The following VILL variants were observed in gnomAD, a reference collection of about 807,000 sequenced individuals.
VILL encodes the protein villin-like protein.
In VILL, 102 loss-of-function variants were observed where a neutral mutation model predicts 106.3. The ratio of observed to expected loss-of-function variants is 0.96; its 90% CI spans 0.82 to 1.13. The LOEUF (loss-of-function observed/expected upper bound fraction) is 1.13. Ranked by LOEUF, VILL falls within the 50% of genes most tolerant of loss-of-function variation. The pLI is 0.00. For synonymous variants in VILL, 431 were observed against 440.3 expected (o/e 0.98, Z 0.27); for missense variants, 1,076 against 1,116.6 (o/e 0.96, Z 0.52).
Position 38,004,337 on chromosome 3 carries a change from G to T in VILL, c.1888G>T (p.Gly630Trp). 1 of 1,613,864 alleles carries T rather than the reference G, an allele frequency of 6.2e-7. No homozygotes were observed. The highest frequency in any genetic ancestry group is 1.1e-5 in the South Asian group (1 of 91,088). ...HMGCLVLAEVGFFSQEDLDKY... is the reference protein window; with the variant it reads ...HMGCLVLAEVWFFSQEDLDKY... ...GGGCTGCCTGGTCCTCGCAGAAGTG[G>T]GGTTCTTCAGCCAGGAGGACCTGGA... The change falls in exon 16 of 20, where the codon GGG becomes TGG. Residue 630 changes from glycine to tryptophan, a missense_variant. Transcript: ENST00000383759.
chr3:38,004,328 G>A lies in VILL; in HGVS notation c.1879G>A (p.Ala627Thr), dbSNP rs950761878. 10 of 1,613,688 alleles carry A rather than the reference G, an allele frequency of 6.2e-6. No homozygotes were observed. Among genetic ancestry groups the A allele is most frequent in the South Asian group, 2.2e-5 (2 of 91,038 alleles). Reference protein sequence around the residue: ...CSSHMGCLVLAEVGFFSQEDL... With the variant: ...CSSHMGCLVLTEVGFFSQEDL... The stretch of plus-strand genomic sequence containing the variant: ...CAGCCACATGGGCTGCCTGGTCCTC[G>A]CAGAAGTGGGGTTCTTCAGCCAGGA... Residue 627 changes from alanine (A) to threonine (T), a missense_variant, in exon 16 of 20, where the codon GCA becomes ACA. Coordinates refer to ENST00000383759, the MANE Select transcript of VILL (RefSeq NM_015873.4).
In VILL at chr3:37,997,038, G is replaced by A. The variant is rs545101414; in HGVS notation, c.451-39G>A. 5.1e-6 allele frequency: 8 copies of A among 1,579,624 alleles called. No individual in the cohort carries two copies. Among genetic ancestry groups the A allele is most frequent in the Middle Eastern group, 1.7e-4 (1 of 5,948 alleles). On this transcript the variant is annotated intron_variant, in intron 5 of 19. Coordinates refer to ENST00000383759, the MANE Select transcript of VILL (RefSeq NM_015873.4). The surrounding 1 kb of genome is among the most constrained non-coding windows in gnomAD (Gnocchi z 4.7). ...GCTATGCTCCCCTCTAGCGGATGCT[G>A]GTGGTATGACACTCTGTCTCTCTCC...
In VILL at chr3:38,006,650, C is replaced by A; in HGVS notation, c.2407C>A (p.His803Asn). The change falls in exon 19 of 20, where the codon CAC becomes AAC. Residue 803 changes from histidine to asparagine, a missense_variant. His to Asn is a moderately conservative substitution (Grantham distance 68). Transcript: ENST00000383759. The stretch of plus-strand genomic sequence containing the variant: ...GGGCCTGCGCCGGGAACAACTGATG[C>A]ACCAGGCTGTTGAGGACCTGCCAGA... ...NGGLRREQLMHQAVEDLPEGV... is the reference protein window; with the variant it reads ...NGGLRREQLMNQAVEDLPEGV... 6.2e-7 allele frequency: 1 copy of A among 1,613,574 alleles called. No homozygotes were observed. The highest frequency in any genetic ancestry group is 8.5e-7 in the Non-Finnish European group (1 of 1,179,940).
intron 10 of VILL, 45 bp from the exon 11 acceptor site, chr3:37,999,294 G>T (rs201408304): frequency 8.0e-5 from 114 of 1,418,398 alleles, no homozygotes; most frequent in African/African-American, 6.4e-4. Flanking sequence ...GATGGTGTTG[G>T]GGGGGGGCAG....
At position 37,998,436 on chromosome 3, in the gene VILL, C is replaced by T; in HGVS notation, c.942+72C>T. On this transcript the variant is annotated intron_variant, in intron 9 of 19. Coordinates refer to ENST00000383759, the MANE Select transcript of VILL (RefSeq NM_015873.4). The surrounding 1 kb of genome is among the most constrained non-coding windows in gnomAD (Gnocchi z 4.1). The stretch of plus-strand genomic sequence containing the variant: ...GTCTGAGTGGGGAGGCAGCTCCGCC[C>T]CAGGGTCTAAGGGAGGAATCAGCCC... 7.0e-7 allele frequency: 1 copy of T among 1,424,438 alleles called. No homozygotes were observed. Among genetic ancestry groups the T allele is most frequent in the African/African-American group, 1.4e-5 (1 of 71,268 alleles). 88.2% of individuals were successfully genotyped at this position (1,424,438 alleles called of 1,614,324 possible).
Position 37,990,829 on chromosome 3 carries a change from G to A in VILL, c.-87G>A, listed in dbSNP as rs2125641563. The A allele has an allele frequency of 6.5e-6, 1 of 152,914 alleles. No homozygotes were observed. The highest frequency in any genetic ancestry group is 2.4e-5 in the African/African-American group (1 of 41,582). 9.5% of individuals were successfully genotyped at this position (152,914 alleles called of 1,614,324 possible). Reference sequence around the variant, plus strand: ...GAAGGCGCGGGAGCAGTTTCCAGCAGGTAGGCCTGGGCAGAGAGTTGGGGG... The same window carrying A: ...GAAGGCGCGGGAGCAGTTTCCAGCAAGTAGGCCTGGGCAGAGAGTTGGGGG... On this transcript the variant is annotated splice_region_variant and 5_prime_UTR_variant, in exon 1 of 20. Coordinates refer to ENST00000383759, the MANE Select transcript of VILL (RefSeq NM_015873.4). The surrounding 1 kb of genome is among the most constrained non-coding windows in gnomAD (Gnocchi z 5.1).
intron 11 of VILL, among the ~76,000 whole-genome samples, chr3:37,999,679 G>A (rs1699779386): frequency 6.6e-6 from 1 of 152,154 alleles, no homozygotes; most frequent in South Asian, 2.1e-4. Flanking sequence ...GTAACACTTG[G>A]ACACTTAAAT....
intron 15 of VILL, 125 bp from the exon 16 acceptor site, chr3:38,004,130 T>C: frequency 7.4e-7 from 1 of 1,348,522 alleles, no homozygotes; most frequent in Non-Finnish European, 1.0e-6. Flanking sequence ...ACCACGGGGC[T>C]CAGAGGAGGG....
At position 38,001,565 on chromosome 3, in the gene VILL, G is replaced by A. The variant is rs372105661; in HGVS notation, c.1292G>A (p.Arg431His). ...CTCTACACATACCAGAGGCTGGGCC[G>A]TGTCCAGTACATCCTGTACCTATGG... is the stretch of plus-strand genomic sequence containing the variant. ...LVLYTYQRLG[R>H]VQYILYLWQG... The change falls in exon 12 of 20, where the codon CGT (arginine) becomes CAT (histidine). Residue 431 changes from arginine (R) to histidine (H), a missense_variant. Arg to His is a conservative substitution (Grantham distance 29, BLOSUM62 0). Coordinates refer to ENST00000383759, the MANE Select transcript of VILL (RefSeq NM_015873.4). 1.9e-5 allele frequency: 30 copies of A among 1,614,102 alleles called. No individual in the cohort carries two copies. Among genetic ancestry groups the A allele is most frequent in the African/African-American group, 9.3e-5 (7 of 74,950 alleles).
intron 13 of VILL, 127 bp downstream of exon 13, chr3:38,001,987 G>A: frequency 6.8e-7 from 1 of 1,464,734 alleles, no homozygotes; most frequent in Non-Finnish European, 9.2e-7. Context: ...GTTTCCCAGA[G>A]CTTGTCCAAG....
chr3:37,988,169 A>C (rs2125640533), upstream of VILL: 1 of 152,462 alleles, frequency 6.6e-6, no homozygotes, highest in South Asian at 2.1e-4. Context: ...AGAAGCCTGC[A>C]GTGCAAAGGT....
Position 37,997,973 on chromosome 3 carries a change from C to A in VILL, c.765-117C>A. 1.8e-6 allele frequency: 2 copies of A among 1,125,312 alleles called. No individual in the cohort carries two copies. Among genetic ancestry groups the A allele is most frequent in the Non-Finnish European group, 2.5e-6 (2 of 800,980 alleles). The allele number at this position is 1,125,312 out of a possible 1,614,324, so 69.7% of individuals were successfully genotyped here. On this transcript the variant is annotated intron_variant, in intron 7 of 19. Coordinates refer to ENST00000383759, the MANE Select transcript of VILL (RefSeq NM_015873.4). This position sits in a 1 kb window ranked among gnomAD's most constrained non-coding sequence, Gnocchi z 4.7. ...TAAAAGTGAAGACTACAACTCGGGG[C>A]CCCAGCCCCCATGCCTTCTGTCTCT...
chr3:37,995,459 C>G (rs1023610878), intron 4 of VILL, among the ~76,000 whole-genome samples: 1 of 151,978 alleles, frequency 6.6e-6, no homozygotes, highest in Admixed American at 6.5e-5. Flanking sequence ...CAGGGATAAA[C>G]AAATACACAG....
chr3:37,993,627 C>T lies in VILL; in HGVS notation c.-46C>T. ...GGTGTCGGTCTCCAGCCTGAGAACT[C>T]TGGCTGTTGTTCCTTGTGTCGTCCC... is the stretch of plus-strand genomic sequence containing the variant. On this transcript the variant is annotated 5_prime_UTR_variant, in exon 2 of 20. Transcript: ENST00000383759. 6.3e-7 allele frequency: 1 copy of T among 1,597,142 alleles called. No homozygotes were observed. The highest frequency in any genetic ancestry group is 1.1e-5 in the South Asian group (1 of 90,338).
chr3:37,994,368 G>A lies in VILL; in HGVS notation c.243G>A (p.Gln81=). 6.2e-7 allele frequency: 1 copy of A among 1,612,114 alleles called. No homozygotes were observed. Among genetic ancestry groups the A allele is most frequent in the Non-Finnish European group, 8.5e-7 (1 of 1,179,734 alleles). ...EAQGAAEAFQ[Q]RLQDELGGQT... is the part of the protein sequence containing the mutation. ...AGGGCGCTGCGGAGGCCTTCCAGCA[G>A]CGCCTACAGGACGAGCTGGGGGGCC... The change falls in exon 4 of 20, where the codon CAG becomes CAA. Residue 81 remains glutamine, a synonymous_variant. Coordinates refer to ENST00000383759, the MANE Select transcript of VILL (RefSeq NM_015873.4).
In VILL at chr3:37,997,754, T is replaced by A; in HGVS notation, c.764+69T>A. 6.7e-7 allele frequency: 1 copy of A among 1,502,994 alleles called. No homozygotes were observed. 93.1% of individuals were successfully genotyped at this position (1,502,994 alleles called of 1,614,324 possible). A position where few individuals can be genotyped will look rare whatever the true frequency, so the allele number is the denominator to read the frequency against. ...GACTCTGTGTCCATCACTACTGCAA[T>A]AACACGGCATCTCTAGAAGGCCCTC... On this transcript the variant is annotated intron_variant, in intron 7 of 19. Transcript: ENST00000383759. This position sits in a 1 kb window ranked among gnomAD's most constrained non-coding sequence, Gnocchi z 4.7.
chr3:38,001,521 A>C lies in VILL; in HGVS notation c.1248A>C (p.Ala416=). 5 of 1,614,102 alleles carry C rather than the reference A, an allele frequency of 3.1e-6. No individual in the cohort carries two copies. The highest frequency in any genetic ancestry group is 4.2e-6 in the Non-Finnish European group (5 of 1,179,998). The change falls in exon 12 of 20, where the codon GCA becomes GCC. Residue 416 remains alanine (A), a synonymous_variant. Coordinates refer to ENST00000383759, the MANE Select transcript of VILL (RefSeq NM_015873.4). ...CCAAGCGTCATGGACAGCTGTGTGC[A>C]GGCAACTGCTACCTTGTGCTCTACA... ...VDPKRHGQLC[A]GNCYLVLYTY...
intron 5 of VILL, among the ~76,000 whole-genome samples, chr3:37,996,696 G>A (rs551558345): frequency 6.6e-6 from 1 of 152,210 alleles, no homozygotes; most frequent in African/African-American, 2.4e-5. Flanking sequence ...ATTATCTAAA[G>A]TACTCCCTTT....
At chr3:38,000,268 G>C (rs1391122441) in intron 11 of VILL, among the ~76,000 whole-genome samples, 5 of 152,188 alleles carry the variant, frequency 3.3e-5, no homozygotes, top group Non-Finnish European at 7.3e-5. Context: ...GGACAGAAGT[G>C]ATGAGTGGGA....
Sources: gnomAD v4.1 joint callset for allele counts (sites outside exome capture counted in the v4.1 genomes callset) on GRCh38, gnomAD v4.1.1 for gene constraint, Gnocchi (gnomAD v3.1) non-coding constraint, MANE v1.5 for transcripts, NCBI Gene and HGNC (gene_info 2026-07-23, HGNC 2026-07-21) for gene names.